The following GARNL3 variants were observed in gnomAD, a reference collection of about 807,000 sequenced individuals.
GARNL3 encodes the protein GTPase activating Rap/RanGAP domain like 3, also known as GTPase-activating Rap/Ran-GAP domain-like protein 3.
In GARNL3, 63 loss-of-function variants were observed where a neutral mutation model predicts 125.0. The observed-to-expected ratio is 0.50, with a 90% CI of 0.41 to 0.62. The LOEUF is 0.62. GARNL3 is among the 20% of genes least tolerant of loss of function. The probability of loss-of-function intolerance (pLI) is 0.00; values close to 1 mark genes in which losing one functional copy is unlikely to be tolerated. For missense variants in GARNL3, 994 were observed against 1,244.0 expected (o/e 0.80, Z 3.02); for synonymous variants, 439 against 457.5 (o/e 0.96, Z 0.52).
intron 22 of GARNL3, among the ~76,000 whole-genome samples, chr9:127,372,103 A>C (rs1001293386): frequency 1.2e-3 from 177 of 152,296 alleles, no homozygotes; most frequent in African/African-American, 4.2e-3. Flanking sequence ...CGGCTAACCA[A>C]AAACTTTGTT....
At chr9:127,291,064 C>T in intron 1 of GARNL3, 104 bp from the exon 2 acceptor site, 1 of 1,134,290 alleles carries the variant, frequency 8.8e-7, no homozygotes, top group Admixed American at 1.9e-5. Flanking sequence ...CTAGGCTGGG[C>T]ACTCCAGCCT....
intron 22 of GARNL3, among the ~76,000 whole-genome samples, chr9:127,369,391 T>C (rs1831482295): frequency 6.6e-6 from 1 of 152,128 alleles, no homozygotes; most frequent in Admixed American, 6.5e-5. Context: ...AAGAAAGAGC[T>C]GTGCCTGGAA....
chr9:127,291,863 C>G (rs1364356717), intron 2 of GARNL3, among the ~76,000 whole-genome samples: 2 of 150,898 alleles, frequency 1.3e-5, no homozygotes, highest in Admixed American at 1.3e-4. Context: ...CATCATAGCT[C>G]TAGTTCCCTG....
At chr9:127,328,095 T>C (rs1450781078) in intron 7 of GARNL3, among the ~76,000 whole-genome samples, 2 of 152,214 alleles carry the variant, frequency 1.3e-5, no homozygotes, top group African/African-American at 2.4e-5. Flanking sequence ...TCACCACTTT[T>C]TCAGGGGCTG....
intron 2 of GARNL3, among the ~76,000 whole-genome samples, chr9:127,246,931 CTTTT>C (rs35410163): frequency 3.0e-5 from 3 of 99,268 alleles, no homozygotes; most frequent in Admixed American, 2.4e-4. Flanking sequence ...GACCTTCCTT[CTTTT>C]TTTTTTTTTT....
At chr9:127,349,276 T>G (rs1455955973) in intron 17 of GARNL3, among the ~76,000 whole-genome samples, 1 of 152,186 alleles carries the variant, frequency 6.6e-6, no homozygotes, top group Non-Finnish European at 1.5e-5. Flanking sequence ...ATGATGGGAC[T>G]GTGGATATCA....
At chr9:127,257,928 G>T (rs1322034773) in intron 2 of GARNL3, among the ~76,000 whole-genome samples, 1 of 152,220 alleles carries the variant, frequency 6.6e-6, no homozygotes. Flanking sequence ...AGAATAACTA[G>T]CATTTATTTA....
rs1159488862 is a variant in GARNL3, at chr9:127,385,232, T to A, written c.2388+87T>A. 5.5e-6 allele frequency: 4 copies of A among 727,398 alleles called. No individual in the cohort carries two copies. The highest frequency in any genetic ancestry group is 9.1e-6 in the Non-Finnish European group (4 of 441,928). The allele number at this position is 727,398 out of a possible 1,614,324, so 45.1% of individuals were successfully genotyped here. A position where few individuals can be genotyped will look rare whatever the true frequency, so the allele number is the denominator to read the frequency against. The stretch of plus-strand genomic sequence containing the variant: ...AGGTGAGCACAGAAGCCGCCTCTTG[T>A]CAAGTTAGGCTGATGAAGACCGGTG... On this transcript the variant is annotated intron_variant, in intron 24 of 27. Transcript: ENST00000373387. The surrounding 1 kb of genome is among the most constrained non-coding windows in gnomAD (Gnocchi z 4.1).
intron 14 of GARNL3, among the ~76,000 whole-genome samples, chr9:127,343,503 C>T (rs1004330811): frequency 4.6e-5 from 7 of 152,214 alleles, no homozygotes; most frequent in Admixed American, 6.5e-5. Flanking sequence ...CCCTTCATAG[C>T]AGTGATCACA....
intron 2 of GARNL3, 152 bp downstream of exon 2, chr9:127,291,394 G>A (rs2064411073): frequency 2.9e-6 from 2 of 689,280 alleles, no homozygotes; most frequent in Non-Finnish European, 5.1e-6. Context: ...TTCTGGCATG[G>A]AAGGTGCTAT....
At chr9:127,231,031 TATAC>T in intron 1 of GARNL3, among the ~76,000 whole-genome samples, 1 of 52,392 alleles carries the variant, frequency 1.9e-5, no homozygotes, top group East Asian at 4.5e-4. Flanking sequence ...TATATGTATA[TATAC>T]ATATATATAT....
chr9:127,390,756 T>C lies in GARNL3; in HGVS notation c.2859T>C (p.Ser953=). The stretch of plus-strand genomic sequence containing the variant: ...CCAAGCCAGGGGCAGTGAGGTCATC[T>C]AGCAGTGACAGGTAAAGAGAGGGAG... The part of the protein sequence containing the change: ...GGPKPGAVRS[S]SSDRIPSGSL... The change falls in exon 27 of 28, where the codon TCT becomes TCC. Residue 953 remains serine (S), a synonymous_variant. Coordinates refer to ENST00000373387, the MANE Select transcript of GARNL3 (RefSeq NM_032293.5). The C allele has an allele frequency of 1.2e-6, 2 of 1,613,428 alleles. No individual in the cohort carries two copies. Among genetic ancestry groups the C allele is most frequent in the Middle Eastern group, 1.7e-4 (1 of 6,040 alleles).
intron 2 of GARNL3, among the ~76,000 whole-genome samples, chr9:127,308,077 G>C (rs2131448823): frequency 6.6e-6 from 1 of 152,286 alleles, no homozygotes; most frequent in Admixed American, 6.5e-5. Flanking sequence ...AATAACTGTT[G>C]ATAATGAATC....
rs1832729717 is a variant in GARNL3 at position 127,389,791 on chromosome 9, T to A, written c.2743+672T>A. Among the ~76,000 whole-genome samples, 3 of 151,910 alleles carry A rather than the reference T, an allele frequency of 2.0e-5. No individual in the cohort carries two copies. In the South Asian group the frequency reaches 6.2e-4, roughly 32 times the overall value. Reference sequence around the variant, plus strand: ...AAAAAATTAGCCAGCCATGGTGGCATGTGCCTATAGTCCCAGCTACTCAAG... The same window carrying A: ...AAAAAATTAGCCAGCCATGGTGGCAAGTGCCTATAGTCCCAGCTACTCAAG... On this transcript the variant is annotated intron_variant, in intron 26 of 27. Transcript: ENST00000373387.
chr9:127,351,251 G>A (rs1331220515), intron 17 of GARNL3, among the ~76,000 whole-genome samples: 1 of 152,042 alleles, frequency 6.6e-6, no homozygotes, highest in Non-Finnish European at 1.5e-5. Context: ...AAATTACCAG[G>A]TTCCTTTCTG....
upstream of GARNL3, among the ~76,000 whole-genome samples, chr9:127,261,855 G>A (rs1292805513): frequency 2.0e-5 from 3 of 152,134 alleles, no homozygotes; most frequent in Non-Finnish European, 4.4e-5. Context: ...GATTCATTCT[G>A]TTTTTGTCTG....
At chr9:127,273,089 A>T (rs1485275613) in intron 1 of GARNL3, among the ~76,000 whole-genome samples, 1 of 152,180 alleles carries the variant, frequency 6.6e-6, no homozygotes, top group Non-Finnish European at 1.5e-5. Flanking sequence ...TAATCCCCAC[A>T]AAAAACCATA....
intron 22 of GARNL3, among the ~76,000 whole-genome samples, chr9:127,377,173 AAC>A: frequency 6.6e-6 from 1 of 152,358 alleles, no homozygotes; most frequent in African/African-American, 2.4e-5. Context: ...TACAATAATT[AAC>A]ACAGTATGAT....
At chr9:127,286,511 A>G (rs940985645) in intron 1 of GARNL3, among the ~76,000 whole-genome samples, 6 of 152,174 alleles carry the variant, frequency 3.9e-5, no homozygotes, top group South Asian at 2.1e-4. Flanking sequence ...TCTGTTTTTC[A>G]TAATCATTTT....
Sources: gnomAD v4.1 joint callset for allele counts (sites outside exome capture counted in the v4.1 genomes callset) on GRCh38, gnomAD v4.1.1 for gene constraint, Gnocchi (gnomAD v3.1) non-coding constraint, MANE v1.5 for transcripts, NCBI Gene and HGNC (gene_info 2026-07-23, HGNC 2026-07-21) for gene names.